Variants in PCDHGB2 observed in about 807,000 individuals in gnomAD.
PCDHGB2 encodes protocadherin gamma-B2.
A neutral mutation model predicts 59.3 loss-of-function variants in PCDHGB2; 55 were observed. The observed-to-expected ratio is 0.93, with a 90% CI of 0.75 to 1.16. PCDHGB2 has a LOEUF of 1.16. PCDHGB2 is among the 50% of genes most tolerant of loss of function. The pLI is 0.00. For synonymous variants in PCDHGB2, 516 were observed against 512.0 expected (o/e 1.01, Z -0.11); for missense variants, 1,228 against 1,198.5 (o/e 1.02, Z -0.36).
Position 141,364,375 on chromosome 5 carries a change from G to A in PCDHGB2, c.2421+1819G>A, listed in dbSNP as rs749245484. On this transcript the variant is annotated intron_variant, in intron 1 of 3. Transcript: ENST00000522605. The stretch of plus-strand genomic sequence containing the variant: ...GCTGGGGCTGCGGAGAGCTGCTGCT[G>A]CCCTTCATGCTCCTGGGGACGCTGT... 1.9e-6 allele frequency: 3 copies of A among 1,574,886 alleles called. No individual in the cohort carries two copies. In the East Asian group the frequency reaches 6.7e-5, roughly 35 times the overall value.
At chr5:141,471,046 CTT>C (rs1170588345) in intron 1 of PCDHGB2, among the ~76,000 whole-genome samples, 2,578 of 113,210 alleles carry the variant, frequency 0.023, 53 homozygotes, top group East Asian at 0.11. Context: ...CCCAAGCCCT[CTT>C]TTTTTTTTTT....
chr5:141,366,737 G>GAAC, intron 1 of PCDHGB2: 2 of 1,612,444 alleles, frequency 1.2e-6, no homozygotes, highest in Non-Finnish European at 1.7e-6. Context: ...AAACAAAGAA[G>GAAC]AACGGCGAGT....
intron 1 of PCDHGB2, chr5:141,418,015 G>C: frequency 6.2e-7 from 1 of 1,613,964 alleles, no homozygotes; most frequent in Non-Finnish European, 8.5e-7. Context: ...ACCTCGCTAA[G>C]GATCTAGGGC....
rs755443869 is a variant in PCDHGB2, at chr5:141,362,288, C to G, written c.2153C>G (p.Ser718Cys). 6 of 1,614,094 alleles carry G rather than the reference C, an allele frequency of 3.7e-6. No individual in the cohort carries two copies. The South Asian group carries it at 6.6e-5, about 18-fold the overall frequency. The part of the protein sequence containing the change: ...ILAISLRLRL[S>C]SRSDAWDCFQ... The stretch of plus-strand genomic sequence containing the variant: ...GCAATCTCCCTGCGCCTGCGACTCT[C>G]TTCCAGGTCAGATGCTTGGGACTGT... The change falls in exon 1 of 4, where the codon TCT (serine) becomes TGT (cysteine). Residue 718 changes from serine (S) to cysteine (C), a missense_variant. Physicochemically the swap from Ser to Cys is moderately radical, Grantham distance 112. Transcript: ENST00000522605.
intron 1 of PCDHGB2, among the ~76,000 whole-genome samples, chr5:141,447,221 C>A (rs1034853072): frequency 6.6e-6 from 1 of 152,026 alleles, no homozygotes; most frequent in Non-Finnish European, 1.5e-5. Context: ...CTCACTGCAA[C>A]CTCCGCCTCC....
chr5:141,397,047 G>A (rs180929307), intron 1 of PCDHGB2, among the ~76,000 whole-genome samples: 130 of 152,158 alleles, frequency 8.5e-4, no homozygotes, highest in African/African-American at 2.9e-3. Context: ...TTATGTAAAT[G>A]AACTTATGAG....
intron 1 of PCDHGB2, chr5:141,404,146 A>G: frequency 1.2e-6 from 2 of 1,613,058 alleles, no homozygotes; most frequent in Non-Finnish European, 1.7e-6. Context: ...AAAATTCAGA[A>G]GAAGATTATT....
chr5:141,361,685 AGCGCGCCTTCGATCATGAGCAGCT>A lies in PCDHGB2; in HGVS notation c.1563_1586del (p.Asp521_Phe528del), dbSNP rs772108372. 18 of 1,613,452 alleles carry A rather than the reference AGCGCGCCTTCGATCATGAGCAGCT, an allele frequency of 1.1e-5. No homozygotes were observed. Among genetic ancestry groups the A allele is most frequent in the Non-Finnish European group, 1.4e-5 (16 of 1,179,910 alleles). On this transcript the variant is annotated inframe_deletion, in exon 1 of 4. Coordinates refer to ENST00000522605, the MANE Select transcript of PCDHGB2 (RefSeq NM_018923.3). ...GCGCAGAGCGGGGTGGTGTTCGCGC[AGCGCGCCTTCGATCATGAGCAGCT>A]GCGCGCCTTCGAGCTCACACTGCAG...
rs780037606 is a variant in PCDHGB2 at position 141,360,457 on chromosome 5, A to T, written c.322A>T (p.Thr108Ser). The change falls in exon 1 of 4, where the codon ACT (threonine) becomes TCT (serine). Residue 108 changes from threonine to serine, a missense_variant. Around this residue, in one of 3 missense-constraint regions of PCDHGB2, gnomAD observed 781 missense variants for 721.6 expected, o/e 1.08. Transcript: ENST00000522605. ...KQPLCVLDFD[T>S]VAENPLNIFY... ...GCCTCTGTGTGTTCTGGATTTCGAT[A>T]CTGTCGCTGAAAATCCACTAAATAT... 1.2e-6 allele frequency: 2 copies of T among 1,613,970 alleles called. No individual in the cohort carries two copies. Among genetic ancestry groups the T allele is most frequent in the Non-Finnish European group, 1.7e-6 (2 of 1,179,862 alleles).
At chr5:141,435,376 A>G (rs1358757887) in intron 1 of PCDHGB2, among the ~76,000 whole-genome samples, 1 of 152,200 alleles carries the variant, frequency 6.6e-6, no homozygotes, top group Non-Finnish European at 1.5e-5. Flanking sequence ...TAAATATACA[A>G]TATACCGTAT....
intron 1 of PCDHGB2, chr5:141,410,847 GTCT>G: frequency 6.3e-6 from 1 of 158,248 alleles, no homozygotes. Context: ...TTTTGTCTTT[GTCT>G]TTTTTTTTTT....
chr5:141,422,447 C>G, intron 1 of PCDHGB2: 2 of 1,610,922 alleles, frequency 1.2e-6, no homozygotes, highest in Non-Finnish European at 1.7e-6. Flanking sequence ...AAATTGATAA[C>G]AAGCAGAGTG....
chr5:141,370,608 A>G, intron 1 of PCDHGB2: 1 of 1,613,954 alleles, frequency 6.2e-7, no homozygotes, highest in Non-Finnish European at 8.5e-7. Context: ...TATTGCAGAG[A>G]AGAAATTCTT....
rs539727453 is a variant in PCDHGB2 at position 141,487,510 on chromosome 5, C to G, written c.2422-7297C>G. ...GCTGTACACCCTTGGCTTCTGCACC[C>G]ACTCGGAGTGATAGCTTCATGATGG... On this transcript the variant is annotated intron_variant, in intron 1 of 3. Coordinates refer to ENST00000522605, the MANE Select transcript of PCDHGB2 (RefSeq NM_018923.3). This position sits in a 1 kb window ranked among gnomAD's most constrained non-coding sequence, Gnocchi z 5.0. The G allele has an allele frequency of 2.5e-6, 4 of 1,614,210 alleles. No homozygotes were observed. The highest frequency in any genetic ancestry group is 2.2e-5 in the East Asian group (1 of 44,860).
intron 1 of PCDHGB2, chr5:141,413,776 G>A: frequency 6.2e-7 from 1 of 1,613,188 alleles, no homozygotes; most frequent in Non-Finnish European, 8.5e-7. Context: ...GCTGGTACTG[G>A]AGCACTCCCT....
intron 1 of PCDHGB2, chr5:141,388,093 C>T: frequency 7.3e-7 from 1 of 1,371,560 alleles, no homozygotes; most frequent in South Asian, 1.3e-5. Context: ...CGCGTCAGTT[C>T]GGAGAAGCCT....
chr5:141,476,040 G>T lies in PCDHGB2; in HGVS notation c.2422-18767G>T. On this transcript the variant is annotated intron_variant, in intron 1 of 3. Coordinates refer to ENST00000522605, the MANE Select transcript of PCDHGB2 (RefSeq NM_018923.3). This position sits in a 1 kb window ranked among gnomAD's most constrained non-coding sequence, Gnocchi z 7.6. ...CGGACTCGGCGCCCAGCGCCCAAGC[G>T]CTAACCCGCTGAAAGTTTCTCAGCG... is the stretch of plus-strand genomic sequence containing the variant. 1 of 1,488,704 alleles carries T rather than the reference G, an allele frequency of 6.7e-7. No homozygotes were observed. 92.2% of individuals were successfully genotyped at this position (1,488,704 alleles called of 1,614,324 possible).
intron 1 of PCDHGB2, chr5:141,422,655 C>G (rs188587553): frequency 1.2e-6 from 2 of 1,610,122 alleles, no homozygotes; most frequent in South Asian, 2.2e-5. Context: ...TCTCAGTGAC[C>G]GCCCTCGACC....
Position 141,493,034 on chromosome 5 carries a change from G to A in PCDHGB2, c.2422-1773G>A, listed in dbSNP as rs75211372. 6.6e-6 allele frequency among the ~76,000 whole-genome samples: 1 copy of A among 152,230 alleles called. No homozygotes were observed. Among genetic ancestry groups the A allele is most frequent in the African/African-American group, 2.4e-5 (1 of 41,458 alleles). On this transcript the variant is annotated intron_variant, in intron 1 of 3. Transcript: ENST00000522605. This position sits in a 1 kb window ranked among gnomAD's most constrained non-coding sequence, Gnocchi z 4.3. ...GCCAGATGCCAGGGTGCCCTTATGTGTGAGGAAACTACAATAGTAAAAAAC... is the reference window on the plus strand; with the variant it reads ...GCCAGATGCCAGGGTGCCCTTATGTATGAGGAAACTACAATAGTAAAAAAC...
Sources: allele counts gnomAD v4.1 joint callset (sites outside exome capture counted in the v4.1 genomes callset), GRCh38; gene constraint gnomAD v4.1.1; regional missense constraint gnomAD v4.1.1; non-coding constraint Gnocchi (gnomAD v3.1); transcripts MANE v1.5; gene names NCBI Gene and HGNC (gene_info 2026-07-23, HGNC 2026-07-21).